Variants in PTCHD4 observed in about 807,000 individuals in gnomAD.
PTCHD4 encodes the protein patched domain containing 4, also known as patched domain-containing protein 4.
A neutral mutation model predicts 58.1 loss-of-function variants in PTCHD4; 33 were observed. The observed-to-expected ratio is 0.57, with a 90% CI of 0.43 to 0.76. PTCHD4 has a LOEUF of 0.76. Ranked by LOEUF, PTCHD4 falls within the 30% of genes least tolerant of loss-of-function variation. The pLI is 0.00. For synonymous variants in PTCHD4, 478 were observed against 409.6 expected (o/e 1.17, Z -2.02); for missense variants, 1,058 against 1,027.1 (o/e 1.03, Z -0.41).
At chr6:47,922,308 T>C (rs1460832167) in intron 4 of PTCHD4, among the ~76,000 whole-genome samples, 1 of 152,192 alleles carries the variant, frequency 6.6e-6, no homozygotes, top group Non-Finnish European at 1.5e-5. Flanking sequence ...ACTTATTTTA[T>C]TAAATTCTAC....
chr6:47,903,009 T>A (rs1033717781), intron 4 of PTCHD4, among the ~76,000 whole-genome samples: 1 of 152,142 alleles, frequency 6.6e-6, no homozygotes, highest in Non-Finnish European at 1.5e-5. Flanking sequence ...TGCATTTAAT[T>A]GAGGGAAAAA....
At chr6:48,072,794 T>G (rs1272884898) in intron 1 of PTCHD4, among the ~76,000 whole-genome samples, 1 of 152,200 alleles carries the variant, frequency 6.6e-6, no homozygotes, top group African/African-American at 2.4e-5. Context: ...CATAGATTAT[T>G]GTAGCCCCTT....
intron 4 of PTCHD4, among the ~76,000 whole-genome samples, chr6:47,930,573 C>T (rs2113904336): frequency 6.6e-6 from 1 of 151,998 alleles, no homozygotes; most frequent in East Asian, 1.9e-4. Context: ...TCCAGAAAAC[C>T]TAAAAAAATA....
chr6:47,868,593 G>A lies in PTCHD4; in HGVS notation c.*9710C>T, dbSNP rs181660244. Among the ~76,000 whole-genome samples, 26 of 151,854 alleles carry A rather than the reference G, an allele frequency of 1.7e-4. No individual in the cohort carries two copies. The East Asian group carries it at 4.3e-3, about 25-fold the overall frequency. On this transcript the variant is annotated 3_prime_UTR_variant, in exon 5 of 5. Transcript: ENST00000339488. ...TGCTTCATAGTTTGGCATGTCAGTT[G>A]CCATTTTTAAAATAAAATCAGTGGA...
intron 4 of PTCHD4, among the ~76,000 whole-genome samples, chr6:47,910,611 A>C (rs2113866414): frequency 6.6e-6 from 1 of 152,216 alleles, no homozygotes; most frequent in Admixed American, 6.5e-5. Flanking sequence ...AGCCCTTGTA[A>C]GCTACTGACT....
intron 3 of PTCHD4, among the ~76,000 whole-genome samples, chr6:48,039,785 T>C (rs746053155): frequency 5.9e-5 from 9 of 152,146 alleles, no homozygotes; most frequent in African/African-American, 9.7e-5. Context: ...AAGGTCTCTG[T>C]CCCCAACCTT....
intron 3 of PTCHD4, among the ~76,000 whole-genome samples, chr6:48,058,564 A>T (rs972269002): frequency 6.6e-6 from 1 of 152,190 alleles, no homozygotes; most frequent in Non-Finnish European, 1.5e-5. Context: ...GAGAAAAAAA[A>T]TTATTAAAAA....
intron 1 of PTCHD4, among the ~76,000 whole-genome samples, chr6:48,075,828 T>C (rs990307786): frequency 6.6e-6 from 1 of 152,238 alleles, no homozygotes; most frequent in African/African-American, 2.4e-5. Flanking sequence ...TGGTGGAAGG[T>C]CGTGCCTTGA....
At chr6:48,039,610 A>G (rs332591) in intron 3 of PTCHD4, among the ~76,000 whole-genome samples, 88,911 of 151,970 alleles carry the variant, frequency 0.59, 26,165 homozygotes, top group East Asian at 0.72. Flanking sequence ...TGTATGATGT[A>G]TTACACAATT....
rs1562038148 is a variant in PTCHD4 at position 48,069,127 on chromosome 6, A to T, written c.-170T>A. Among the ~76,000 whole-genome samples the T allele has an allele frequency of 9.9e-6, 1 of 100,822 alleles. No individual in the cohort carries two copies. The allele number at this position is 100,822 out of a possible 152,430, so 66.1% of individuals were successfully genotyped here. On this transcript the variant is annotated 5_prime_UTR_variant, in exon 2 of 5. It removes an upstream start codon present in the reference 5' UTR. Transcript: ENST00000339488. ...TGCCTCGGTGTTGTAAGAAGCAGAC[A>T]TGTGCCCCATAAAGGGGGGGGGGGC...
At chr6:48,039,243 C>G (rs2114148292) in intron 3 of PTCHD4, among the ~76,000 whole-genome samples, 1 of 152,126 alleles carries the variant, frequency 6.6e-6, no homozygotes, top group African/African-American at 2.4e-5. Context: ...CTAAGCAAAT[C>G]AATATGGATA....
At chr6:47,953,845 G>T (rs1485497677) in intron 4 of PTCHD4, among the ~76,000 whole-genome samples, 2 of 152,134 alleles carry the variant, frequency 1.3e-5, no homozygotes, top group Non-Finnish European at 2.9e-5. Flanking sequence ...AAAATGAACT[G>T]CAGGAACAAA....
At chr6:48,095,686 C>A (rs996356504) in intron 1 of PTCHD4, among the ~76,000 whole-genome samples, 1 of 147,806 alleles carries the variant, frequency 6.8e-6, no homozygotes. Flanking sequence ...AAGACTCCGT[C>A]TCAAAAACAA....
chr6:48,009,956 C>G (rs1185867428), intron 3 of PTCHD4, among the ~76,000 whole-genome samples: 2 of 152,164 alleles, frequency 1.3e-5, no homozygotes, highest in Admixed American at 1.3e-4. Flanking sequence ...CTCTTTAAGG[C>G]ACATGTATGT....
At position 47,861,254 on chromosome 6, in the gene PTCHD4, C is replaced by T. The variant is rs1191934978; in HGVS notation, c.*17049G>A. On this transcript the variant is annotated 3_prime_UTR_variant, in exon 5 of 5. Coordinates refer to ENST00000339488, the MANE Select transcript of PTCHD4 (RefSeq NM_001384253.1). ...CTGTGCTAAATAGAAGAGGTGGCAA[C>T]AGGGTAGAAAACGACTCATTAACAC... Among the ~76,000 whole-genome samples, 2 of 151,884 alleles carry T rather than the reference C, an allele frequency of 1.3e-5. No individual in the cohort carries two copies. Among genetic ancestry groups the T allele is most frequent in the Non-Finnish European group, 2.9e-5 (2 of 67,908 alleles).
intron 4 of PTCHD4, among the ~76,000 whole-genome samples, chr6:47,880,318 T>C (rs372350166): frequency 2.3e-4 from 35 of 152,342 alleles, no homozygotes; most frequent in African/African-American, 8.2e-4. Context: ...CTTAACATCA[T>C]GTCAAGTGCT....
chr6:47,903,768 A>G (rs1764789286), intron 4 of PTCHD4, among the ~76,000 whole-genome samples: 1 of 152,246 alleles, frequency 6.6e-6, no homozygotes, highest in Admixed American at 6.5e-5. Flanking sequence ...AACAATAAAT[A>G]ACATAAATAA....
At chr6:48,089,051 C>CAAAT (rs1198175744) in intron 1 of PTCHD4, among the ~76,000 whole-genome samples, 8 of 152,016 alleles carry the variant, frequency 5.3e-5, no homozygotes, top group African/African-American at 1.2e-4. Flanking sequence ...CATCTCAAAA[C>CAAAT]AAATAAATAA....
At chr6:47,921,953 A>AAG (rs1173499776) in intron 4 of PTCHD4, among the ~76,000 whole-genome samples, 3 of 149,496 alleles carry the variant, frequency 2.0e-5, no homozygotes, top group African/African-American at 7.4e-5. Flanking sequence ...TCTAAAAAAA[A>AAG]AAAAAAAGAA....
Sources: gnomAD v4.1 joint callset for allele counts (sites outside exome capture counted in the v4.1 genomes callset) on GRCh38, gnomAD v4.1.1 for gene constraint, MANE v1.5 for transcripts, NCBI Gene and HGNC (gene_info 2026-07-23, HGNC 2026-07-21) for gene names.